Variants in KLF12 observed in about 807,000 individuals in gnomAD.
The protein encoded by KLF12 is Krueppel-like factor 12.
In KLF12, 9 loss-of-function variants were observed where a neutral mutation model predicts 37.8. The observed-to-expected ratio is 0.24, with a 90% confidence interval of 0.14 to 0.42. The LOEUF (loss-of-function observed/expected upper bound fraction) is 0.42, where lower values mean the gene tolerates loss of function less well. KLF12 is among the 10% of genes least tolerant of loss of function. The pLI is 1.00. For synonymous variants in KLF12, 208 were observed against 202.1 expected, an observed-to-expected ratio of 1.03 and a Z score of -0.25; for missense variants, 411 against 516.0, an observed-to-expected ratio of 0.80 and a Z score of 1.97.
chr13:74,198,588 A>G, the KLF12 span, among the ~76,000 whole-genome samples: 1 of 152,216 alleles, frequency 6.6e-6, no homozygotes, highest in East Asian at 1.9e-4. Context: ...TGTTGAATCA[A>G]ATAGTAATTC....
intron 1 of KLF12, among the ~76,000 whole-genome samples, chr13:74,006,685 G>A (rs1892417452): frequency 6.6e-6 from 1 of 152,170 alleles, no homozygotes; most frequent in South Asian, 2.1e-4. Context: ...TCCCCTTTCA[G>A]TCAGAAGTCA....
chr13:74,207,526 A>T, the KLF12 span, among the ~76,000 whole-genome samples: 1 of 152,106 alleles, frequency 6.6e-6, no homozygotes, highest in Non-Finnish European at 1.5e-5. Context: ...ATACAAAAAA[A>T]GTAGCTGGGT....
At chr13:74,193,679 G>C in the KLF12 span, among the ~76,000 whole-genome samples, 3 of 152,090 alleles carry the variant, frequency 2.0e-5, no homozygotes, top group Non-Finnish European at 4.4e-5. Context: ...TACAATCAAA[G>C]ACTTCCTGCT....
intron 1 of KLF12, among the ~76,000 whole-genome samples, chr13:74,036,878 T>C (rs1330406295): frequency 3.3e-5 from 5 of 152,220 alleles, no homozygotes; most frequent in Non-Finnish European, 7.3e-5. Flanking sequence ...TTGACCATGT[T>C]GTCTGTTTTT....
At chr13:74,072,364 A>AATACATAT (rs1555269594) in intron 1 of KLF12, among the ~76,000 whole-genome samples, 4 of 63,064 alleles carry the variant, frequency 6.3e-5, no homozygotes, top group Non-Finnish European at 1.3e-4. Context: ...AAGAAATACA[A>AATACATAT]ATATATATAT....
At chr13:73,987,637 G>C (rs1891857613) in intron 2 of KLF12, among the ~76,000 whole-genome samples, 1 of 146,560 alleles carries the variant, frequency 6.8e-6, no homozygotes, top group African/African-American at 2.5e-5. Flanking sequence ...GAGGCAGAGA[G>C]AAAGTGGGGG....
intron 1 of KLF12, among the ~76,000 whole-genome samples, chr13:74,091,193 G>A (rs12583800): frequency 0.19 from 29,505 of 152,044 alleles, 3,017 homozygotes; most frequent in African/African-American, 0.27. Context: ...AATGACTTTG[G>A]ACCCTTGCCT....
At chr13:74,287,909 T>C in the KLF12 span, among the ~76,000 whole-genome samples, 1 of 152,212 alleles carries the variant, frequency 6.6e-6, no homozygotes, top group Admixed American at 6.5e-5. Context: ...TAAGTGGTTT[T>C]GCATATTAAC....
chr13:74,255,013 G>T, the KLF12 span, among the ~76,000 whole-genome samples: 9 of 152,178 alleles, frequency 5.9e-5, no homozygotes, highest in Non-Finnish European at 1.3e-4. Flanking sequence ...TTAGAAGAAT[G>T]TTGGAGAAAA....
At chr13:74,242,272 A>G in the KLF12 span, among the ~76,000 whole-genome samples, 1 of 152,218 alleles carries the variant, frequency 6.6e-6, no homozygotes, top group Non-Finnish European at 1.5e-5. Flanking sequence ...GCTGATAAAG[A>G]CATATCTGTG....
At chr13:74,039,470 G>C (rs1371500081) in intron 1 of KLF12, among the ~76,000 whole-genome samples, 1 of 151,356 alleles carries the variant, frequency 6.6e-6, no homozygotes, top group Non-Finnish European at 1.5e-5. Flanking sequence ...TGAAGCCAGT[G>C]AGCTTTTCAG....
the KLF12 span, among the ~76,000 whole-genome samples, chr13:74,253,398 T>C: frequency 2.8e-4 from 42 of 152,226 alleles, no homozygotes; most frequent in African/African-American, 7.9e-4. Context: ...AACCACAATA[T>C]ATCATGCAAT....
At chr13:73,736,127 AGACT>A (rs1247869930) in intron 6 of KLF12, among the ~76,000 whole-genome samples, 1 of 152,138 alleles carries the variant, frequency 6.6e-6, no homozygotes, top group African/African-American at 2.4e-5. Flanking sequence ...CACTCATTCT[AGACT>A]GTCACTCCTA....
chr13:73,697,466 G>A (rs1168911995), intron 7 of KLF12, among the ~76,000 whole-genome samples: 1 of 152,166 alleles, frequency 6.6e-6, no homozygotes, highest in Non-Finnish European at 1.5e-5. Flanking sequence ...GCATTTGCAT[G>A]TGTCTACTGA....
At chr13:73,727,694 ATTTC>A (rs775925635) in intron 6 of KLF12, among the ~76,000 whole-genome samples, 4 of 150,446 alleles carry the variant, frequency 2.7e-5, no homozygotes, top group African/African-American at 4.9e-5. Flanking sequence ...CATCTCATCA[ATTTC>A]TTTCTTTTTT....
upstream of KLF12, among the ~76,000 whole-genome samples, chr13:74,135,735 G>A (rs1204490318): frequency 6.6e-6 from 1 of 152,164 alleles, no homozygotes; most frequent in African/African-American, 2.4e-5. Flanking sequence ...GTGGGAAATC[G>A]CCAGGGCTGT....
intron 1 of KLF12, among the ~76,000 whole-genome samples, chr13:74,006,798 T>C (rs1250401282): frequency 5.9e-5 from 9 of 152,196 alleles, no homozygotes; most frequent in Non-Finnish European, 8.8e-5. Flanking sequence ...CTCTTTAGAT[T>C]GACTTTTGCA....
At chr13:73,992,988 T>C (rs1049115989) in intron 2 of KLF12, among the ~76,000 whole-genome samples, 8 of 152,130 alleles carry the variant, frequency 5.3e-5, no homozygotes, top group Non-Finnish European at 1.0e-4. Flanking sequence ...TCCCAACACA[T>C]TGGGAGGCCA....
chr13:73,914,700 C>T (rs1053451108), intron 3 of KLF12, among the ~76,000 whole-genome samples: 1 of 152,084 alleles, frequency 6.6e-6, no homozygotes, highest in African/African-American at 2.4e-5. Context: ...CAGTCTCTTC[C>T]TTCAAGAGAG....
Sources: gnomAD v4.1 joint callset for allele counts (sites outside exome capture counted in the v4.1 genomes callset) on GRCh38, gnomAD v4.1.1 for gene constraint, MANE v1.5 for transcripts, NCBI Gene and HGNC (gene_info 2026-07-23, HGNC 2026-07-21) for gene names.